Variants in SLC14A2 observed in about 807,000 individuals in gnomAD.
The protein encoded by SLC14A2 is solute carrier family 14 member 2.
In SLC14A2, 91 loss-of-function variants were observed where a neutral mutation model predicts 104.6. The observed-to-expected ratio is 0.87, with a 90% CI of 0.73 to 1.04. The LOEUF (loss-of-function observed/expected upper bound fraction) is 1.04, where lower values mean the gene tolerates loss of function less well. SLC14A2 is among the 50% of genes least tolerant of loss of function. The probability of loss-of-function intolerance (pLI) is 0.00; values close to 1 mark genes in which losing one functional copy is unlikely to be tolerated. For missense variants in SLC14A2, 1,189 were observed against 1,156.0 expected, an observed-to-expected ratio of 1.03 and a Z score of -0.41; for synonymous variants, 476 against 466.4, an observed-to-expected ratio of 1.02 and a Z score of -0.27.
chr18:45,624,827 C>T lies in SLC14A2; in HGVS notation c.150+13C>T, dbSNP rs1327228326. 1.9e-6 allele frequency: 3 copies of T among 1,595,280 alleles called. No individual in the cohort carries two copies. In the African/African-American group the frequency reaches 4.0e-5, roughly 21 times the overall value. On this transcript the variant is annotated intron_variant, in intron 2 of 19. Transcript: ENST00000255226. ...GCCTGAAGAAAAGGTGAGAAGTGTCCCTCCTAGGATGTTTCCTGGGAGGGA... is the reference window on the plus strand; with the variant it reads ...GCCTGAAGAAAAGGTGAGAAGTGTCTCTCCTAGGATGTTTCCTGGGAGGGA...
At chr18:45,621,668 C>A (rs1244760201) in intron 1 of SLC14A2, among the ~76,000 whole-genome samples, 1 of 152,154 alleles carries the variant, frequency 6.6e-6, no homozygotes, top group African/African-American at 2.4e-5. Flanking sequence ...GGGGTCAAAG[C>A]AATAGACAGA....
At chr18:45,507,167 A>G (rs1187680342) in intron 2 of SLC14A2, 1 of 152,310 alleles carries the variant, frequency 6.6e-6, no homozygotes, top group Non-Finnish European at 1.5e-5. Flanking sequence ...TGAGAGGCAC[A>G]CTGAAATGAG....
rs2045248634 is a variant in SLC14A2, at chr18:45,625,813, C to G, written c.281C>G (p.Ala94Gly). 6.6e-7 allele frequency: 1 copy of G among 1,523,882 alleles called. No individual in the cohort carries two copies. Among genetic ancestry groups the G allele is most frequent in the South Asian group, 1.3e-5 (1 of 76,208 alleles). 94.4% of individuals were successfully genotyped at this position (1,523,882 alleles called of 1,614,324 possible). ...CAAAGGTGCATCTGCCTCTCCAAAG[C>G]AGTGGGCTACCTCACGGGCGACATG... ...AGQRCICLSK[A>G]VGYLTGDMKE... The change falls in exon 3 of 20, where the codon GCA (alanine) becomes GGA (glycine). Residue 94 changes from alanine to glycine, a missense_variant. Ala to Gly is a moderately conservative substitution (Grantham distance 60). Coordinates refer to ENST00000255226, the MANE Select transcript of SLC14A2 (RefSeq NM_007163.4).
At chr18:45,374,675 C>T (rs931828460) in intron 1 of SLC14A2, among the ~76,000 whole-genome samples, 1 of 152,116 alleles carries the variant, frequency 6.6e-6, no homozygotes, top group Admixed American at 6.6e-5. Context: ...CTGCTGAAAA[C>T]TTCAGTCATC....
At chr18:45,493,301 A>G (rs898988103) in intron 2 of SLC14A2, 2 of 152,230 alleles carry the variant, frequency 1.3e-5, no homozygotes, top group Non-Finnish European at 2.9e-5. Flanking sequence ...CCCCAACATG[A>G]TGGATAAAAT....
At chr18:45,226,494 A>C (rs1192868196) in intron 1 of SLC14A2, among the ~76,000 whole-genome samples, 2 of 152,116 alleles carry the variant, frequency 1.3e-5, no homozygotes, top group Non-Finnish European at 2.9e-5. Flanking sequence ...CAGCCATAAA[A>C]AAGGATGAGT....
chr18:45,172,972 T>C, the SLC14A2 span, among the ~76,000 whole-genome samples: 1 of 152,090 alleles, frequency 6.6e-6, no homozygotes, highest in Non-Finnish European at 1.5e-5. Context: ...CTTTTTGAGT[T>C]TCAGTTTCTT....
At chr18:45,236,209 A>G (rs867236958) in intron 1 of SLC14A2, among the ~76,000 whole-genome samples, 18 of 52,390 alleles carry the variant, frequency 3.4e-4, no homozygotes, top group East Asian at 1.3e-3. Flanking sequence ...ATATATACAT[A>G]TATGTGTGTA....
chr18:45,188,837 T>C, the SLC14A2 span, among the ~76,000 whole-genome samples: 2 of 152,184 alleles, frequency 1.3e-5, no homozygotes, highest in East Asian at 3.8e-4. Flanking sequence ...TTTGGACAAT[T>C]GAGAGTTCAG....
At chr18:45,559,893 G>C (rs1053354296) in intron 2 of SLC14A2, among the ~76,000 whole-genome samples, 14 of 152,176 alleles carry the variant, frequency 9.2e-5, no homozygotes, top group Non-Finnish European at 1.9e-4. Context: ...CAGCCCAAAG[G>C]CTGTTCCCTA....
chr18:45,639,522 G>A (rs1217014308), intron 6 of SLC14A2, among the ~76,000 whole-genome samples: 2 of 152,114 alleles, frequency 1.3e-5, no homozygotes, highest in African/African-American at 4.8e-5. Context: ...CCATGTTGGG[G>A]GCCCTGGCTT....
chr18:45,242,042 C>CT (rs1404748565), intron 1 of SLC14A2, among the ~76,000 whole-genome samples: 1 of 152,118 alleles, frequency 6.6e-6, no homozygotes, highest in African/African-American at 2.4e-5. Flanking sequence ...TTCTACATGC[C>CT]TAGGACAGTG....
intron 1 of SLC14A2, among the ~76,000 whole-genome samples, chr18:45,419,509 C>T (rs920249774): frequency 6.6e-6 from 1 of 152,230 alleles, no homozygotes; most frequent in Non-Finnish European, 1.5e-5. Context: ...CGTGGTGGCT[C>T]ATGCCTATAA....
chr18:45,451,271 G>A (rs2705382), intron 1 of SLC14A2, among the ~76,000 whole-genome samples: 39,069 of 151,604 alleles, frequency 0.26, 5,266 homozygotes, highest in South Asian at 0.48. Flanking sequence ...CTGAAAGCCT[G>A]TCCCTAAGAG....
chr18:45,674,424 G>A (rs944482204), intron 18 of SLC14A2, among the ~76,000 whole-genome samples: 3 of 151,994 alleles, frequency 2.0e-5, no homozygotes, highest in African/African-American at 7.3e-5. Flanking sequence ...AAGATGTTCT[G>A]GATCAGCTAT....
intron 1 of SLC14A2, among the ~76,000 whole-genome samples, chr18:45,231,131 G>C (rs2055753318): frequency 6.6e-6 from 1 of 152,188 alleles, no homozygotes; most frequent in Non-Finnish European, 1.5e-5. Flanking sequence ...TAAGTAACTT[G>C]TCCAAAGTCA....
At chr18:45,556,481 C>T (rs977079236) in intron 2 of SLC14A2, among the ~76,000 whole-genome samples, 3 of 152,060 alleles carry the variant, frequency 2.0e-5, no homozygotes, top group South Asian at 2.1e-4. Context: ...CCTCCAGTAG[C>T]GCATAGAAAC....
At chr18:45,657,128 C>G (rs573472167) in intron 10 of SLC14A2, among the ~76,000 whole-genome samples, 1 of 152,044 alleles carries the variant, frequency 6.6e-6, no homozygotes, top group African/African-American at 2.4e-5. Context: ...GAAATAGATT[C>G]GAGAATACCT....
chr18:45,563,347 G>A (rs2044227603), intron 2 of SLC14A2, among the ~76,000 whole-genome samples: 1 of 152,238 alleles, frequency 6.6e-6, no homozygotes, highest in Non-Finnish European at 1.5e-5. Flanking sequence ...GGGAACATAA[G>A]GGCAGACCAG....
Sources: gnomAD v4.1 joint callset for allele counts (sites outside exome capture counted in the v4.1 genomes callset) on GRCh38, gnomAD v4.1.1 for gene constraint, MANE v1.5 for transcripts, NCBI Gene and HGNC (gene_info 2026-07-23, HGNC 2026-07-21) for gene names.